Variants in MTR observed in about 807,000 individuals in gnomAD.
MTR encodes the protein methionine synthase.
In MTR, 84 loss-of-function variants were observed where a neutral mutation model predicts 154.8. The ratio of observed to expected loss-of-function variants is 0.54; its 90% CI spans 0.45 to 0.65. MTR has a LOEUF of 0.65. Among genes scored for constraint, MTR ranks in the 30% least tolerant of loss-of-function variants. The probability of loss-of-function intolerance (pLI) is 0.00; values close to 1 mark genes in which losing one functional copy is unlikely to be tolerated. For missense variants in MTR, 1,275 were observed against 1,570.2 expected (o/e 0.81, Z 3.18); for synonymous variants, 554 against 553.9 (o/e 1.00, Z 0.00).
intron 3 of MTR, among the ~76,000 whole-genome samples, chr1:236,807,353 T>A (rs1572187688): frequency 6.6e-6 from 1 of 152,250 alleles, no homozygotes; most frequent in South Asian, 2.1e-4. Context: ...TTTGTATTTT[T>A]TGTAGAGACA....
intron 22 of MTR, among the ~76,000 whole-genome samples, chr1:236,867,393 A>G (rs1465390290): frequency 6.6e-6 from 1 of 152,226 alleles, no homozygotes; most frequent in African/African-American, 2.4e-5. Context: ...CTGCTCAGTA[A>G]AAAAGATTCC....
At chr1:236,864,588 C>T (rs534554185) in intron 22 of MTR, among the ~76,000 whole-genome samples, 37 of 152,138 alleles carry the variant, frequency 2.4e-4, no homozygotes, top group Non-Finnish European at 4.9e-4. Context: ...TATTTCTATC[C>T]ATGTACTTAC....
rs1437726733 is a variant in MTR at position 236,826,901 on chromosome 1, T to C, written c.995+5T>C. ...GTCAACACCAGATCATATCAGGTAA[T>C]AATCACCTATAGACAATATATCTAA... On this transcript the variant is annotated splice_donor_5th_base_variant and intron_variant, in intron 11 of 32. Transcript: ENST00000366577. The C allele has an allele frequency of 6.2e-7, 1 of 1,611,744 alleles. No individual in the cohort carries two copies. Among genetic ancestry groups the C allele is most frequent in the Non-Finnish European group, 8.5e-7 (1 of 1,177,994 alleles).
Position 236,824,197 on chromosome 1 carries a change from T to C in MTR, c.843T>C (p.Tyr281=). ...TAATTGGAAAATGTACAACAGCCTATGTCCTCTGTTATCCCAATGCAGGTG... is the reference window on the plus strand; with the variant it reads ...TAATTGGAAAATGTACAACAGCCTACGTCCTCTGTTATCCCAATGCAGGTG... ...IEIIGKCTTA[Y]VLCYPNAGLP... Residue 281 remains tyrosine (Y), a synonymous_variant, in exon 9 of 33, where the codon TAT becomes TAC. Coordinates refer to ENST00000366577, the MANE Select transcript of MTR (RefSeq NM_000254.3). 1 of 1,613,960 alleles carries C rather than the reference T, an allele frequency of 6.2e-7. No individual in the cohort carries two copies. Among genetic ancestry groups the C allele is most frequent in the Non-Finnish European group, 8.5e-7 (1 of 1,179,836 alleles).
Position 236,893,278 on chromosome 1 carries a change from G to C in MTR, c.3205-1079G>C, listed in dbSNP as rs1001872800. Among the ~76,000 whole-genome samples the C allele has an allele frequency of 2.6e-5, 4 of 152,108 alleles. No individual in the cohort carries two copies. In the South Asian group the frequency reaches 6.2e-4, roughly 24 times the overall value. On this transcript the variant is annotated intron_variant, in intron 29 of 32. Coordinates refer to ENST00000366577, the MANE Select transcript of MTR (RefSeq NM_000254.3). Reference sequence around the variant, plus strand: ...GTGTGCCATTACCAAACACCTCCTCGCCTGTACTTAACAATTTCCTGCCCT... The same window carrying C: ...GTGTGCCATTACCAAACACCTCCTCCCCTGTACTTAACAATTTCCTGCCCT...
intron 29 of MTR, among the ~76,000 whole-genome samples, chr1:236,892,396 C>T (rs1330892379): frequency 6.6e-6 from 1 of 152,046 alleles, no homozygotes; most frequent in Non-Finnish European, 1.5e-5. Flanking sequence ...GCGGGAGGAT[C>T]ACTTGAGCCT....
In MTR at chr1:236,795,384, T is replaced by A. The variant is rs1021588162; in HGVS notation, c.-320T>A. On this transcript the variant is annotated 5_prime_UTR_variant, in exon 1 of 33. Coordinates refer to ENST00000366577, the MANE Select transcript of MTR (RefSeq NM_000254.3). The stretch of plus-strand genomic sequence containing the variant: ...CCTCTGCCGGTTTTCTCTTGGGTCC[T>A]TTTCCGTGCCGTCCCGCGACTCCGC... 1.4e-6 allele frequency: 2 copies of A among 1,400,694 alleles called. No homozygotes were observed. The highest frequency in any genetic ancestry group is 1.9e-6 in the Non-Finnish European group (2 of 1,060,602). 86.8% of individuals were successfully genotyped at this position (1,400,694 alleles called of 1,614,324 possible). A position where few individuals can be genotyped will look rare whatever the true frequency, so the allele number is the denominator to read the frequency against.
chr1:236,797,318 C>A (rs1660450306), intron 1 of MTR, among the ~76,000 whole-genome samples: 1 of 152,194 alleles, frequency 6.6e-6, no homozygotes, highest in Non-Finnish European at 1.5e-5. Flanking sequence ...ATTCCTGATT[C>A]TCAAGGTTGG....
chr1:236,864,034 G>T (rs1312770659), intron 22 of MTR, among the ~76,000 whole-genome samples: 2 of 152,088 alleles, frequency 1.3e-5, no homozygotes, highest in Non-Finnish European at 2.9e-5. Flanking sequence ...CTGTGTTCTT[G>T]GTGATTAAGC....
chr1:236,876,056 A>C (rs575266568), intron 24 of MTR, among the ~76,000 whole-genome samples: 5 of 152,276 alleles, frequency 3.3e-5, no homozygotes, highest in African/African-American at 1.2e-4. Context: ...CCACCAACAT[A>C]GTGGAGGATA....
chr1:236,874,969 T>C (rs1358036450), intron 24 of MTR, 123 bp downstream of exon 24: 10 of 1,111,940 alleles, frequency 9.0e-6, no homozygotes, highest in East Asian at 5.2e-5. Flanking sequence ...CTTTTTGTTA[T>C]ATAAACACAA....
chr1:236,799,287 A>C (rs1432869342), intron 1 of MTR, among the ~76,000 whole-genome samples: 2 of 151,376 alleles, frequency 1.3e-5, no homozygotes, highest in Non-Finnish European at 2.9e-5. Flanking sequence ...AGGCTTGGCT[A>C]ATTTTTGTTT....
At chr1:236,845,484 T>A (rs1214125586) in intron 15 of MTR, among the ~76,000 whole-genome samples, 1 of 152,204 alleles carries the variant, frequency 6.6e-6, no homozygotes, top group East Asian at 1.9e-4. Flanking sequence ...AAAGAGAATA[T>A]AATGCCTGTC....
At chr1:236,897,177 C>T in intron 32 of MTR, 59 bp downstream of exon 32, 1 of 1,257,358 alleles carries the variant, frequency 8.0e-7, no homozygotes, top group Non-Finnish European at 1.2e-6. Context: ...TCTAGAACCT[C>T]TCTCATTTTA....
At chr1:236,814,482 C>T (rs1041260560) in intron 6 of MTR, among the ~76,000 whole-genome samples, 4 of 152,150 alleles carry the variant, frequency 2.6e-5, no homozygotes, top group Non-Finnish European at 5.9e-5. Flanking sequence ...ATGTCCCTCA[C>T]GGTGCATCTT....
In MTR at chr1:236,803,579, G is replaced by A. The variant is rs753847712; in HGVS notation, c.186G>A (p.Pro62=). ...RGQEFKDHAR[P]LKGNNDILSI... Reference sequence around the variant, plus strand: ...AGGAATTTAAAGATCATGCCAGGCCGCTGAAAGGCAACAATGACATTTTAA... The same window carrying A: ...AGGAATTTAAAGATCATGCCAGGCCACTGAAAGGCAACAATGACATTTTAA... The change falls in exon 2 of 33, where the codon CCG becomes CCA. Residue 62 remains proline, a synonymous_variant. Coordinates refer to ENST00000366577, the MANE Select transcript of MTR (RefSeq NM_000254.3). The A allele has an allele frequency of 6.2e-6, 10 of 1,614,130 alleles. No individual in the cohort carries two copies. Among genetic ancestry groups the A allele is most frequent in the South Asian group, 2.2e-5 (2 of 91,084 alleles).
At chr1:236,869,720 G>A (rs1407704415) in intron 22 of MTR, among the ~76,000 whole-genome samples, 1 of 151,778 alleles carries the variant, frequency 6.6e-6, no homozygotes, top group Non-Finnish European at 1.5e-5. Context: ...AGAGGTGAGA[G>A]GGATGGTGGG....
rs574898965 is a variant in MTR, at chr1:236,826,777, G to A, written c.928-52G>A. 3.0e-4 allele frequency: 429 copies of A among 1,438,842 alleles called. 7 individuals are homozygous for A. The South Asian group carries it at 4.7e-3, about 16-fold the overall frequency. The allele number at this position is 1,438,842 out of a possible 1,614,324, so 89.1% of individuals were successfully genotyped here. On this transcript the variant is annotated intron_variant, in intron 10 of 32. Coordinates refer to ENST00000366577, the MANE Select transcript of MTR (RefSeq NM_000254.3). ...GCTTTTATGTTGAATTGGTGGTAAT[G>A]AGTTTAGAATTCAAGTGAACTTGCT...
rs752068333 is a variant in MTR at position 236,903,801 on chromosome 1, G to A, written c.*6157G>A. On this transcript the variant is annotated 3_prime_UTR_variant, in exon 33 of 33. Coordinates refer to ENST00000366577, the MANE Select transcript of MTR (RefSeq NM_000254.3). Reference sequence around the variant, plus strand: ...GAGAGAAACTCGGCAAAGAGAAAAAGGACATTTCCCTCCAGGTTATCTGAA... The same window carrying A: ...GAGAGAAACTCGGCAAAGAGAAAAAAGACATTTCCCTCCAGGTTATCTGAA... 2 of 152,050 alleles carry A rather than the reference G, an allele frequency of 1.3e-5. No individual in the cohort carries two copies. The highest frequency in any genetic ancestry group is 2.9e-5 in the Non-Finnish European group (2 of 68,008). The allele number at this position is 152,050 out of a possible 1,614,324, so 9.4% of individuals were successfully genotyped here.
Sources: gnomAD v4.1 joint callset for allele counts (sites outside exome capture counted in the v4.1 genomes callset) on GRCh38, gnomAD v4.1.1 for gene constraint, MANE v1.5 for transcripts, NCBI Gene and HGNC (gene_info 2026-07-23, HGNC 2026-07-21) for gene names.